The following IMMP2L variants were observed in gnomAD, a reference collection of about 807,000 sequenced individuals.
The protein encoded by IMMP2L is mitochondrial inner membrane protease subunit 2.
Under a neutral mutation model 19.3 loss-of-function variants are expected in IMMP2L, and 18 were observed. That is an observed-to-expected ratio of 0.93 (90% CI 0.64 to 1.38). The LOEUF (loss-of-function observed/expected upper bound fraction) is 1.38. Ranked by LOEUF, IMMP2L falls within the 40% of genes most tolerant of loss-of-function variation. IMMP2L has a pLI of 0.00. For missense variants in IMMP2L, 233 were observed against 218.2 expected, an observed-to-expected ratio of 1.07 and a Z score of -0.43; for synonymous variants, 76 against 73.0, an observed-to-expected ratio of 1.04 and a Z score of -0.21.
At chr7:111,038,274 TA>T (rs562250894) in intron 3 of IMMP2L, among the ~76,000 whole-genome samples, 112 of 152,110 alleles carry the variant, frequency 7.4e-4, no homozygotes, top group African/African-American at 2.6e-3. Context: ...TTGGGGGTGG[TA>T]AAAATGAAAG....
chr7:110,951,047 CA>C (rs1817784793), intron 4 of IMMP2L, among the ~76,000 whole-genome samples: 1 of 151,276 alleles, frequency 6.6e-6, no homozygotes. Context: ...TGCATGATCC[CA>C]CTTACATGAA....
At position 111,539,210 on chromosome 7, in the gene IMMP2L, GAAAGAAAGAAAGAAAGAAAGAA is replaced by G. The variant is rs1563330942; in HGVS notation, c.-2-17783_-2-17762del. Among the ~76,000 whole-genome samples, 68 of 67,958 alleles carry G rather than the reference GAAAGAAAGAAAGAAAGAAAGAA, an allele frequency of 1.0e-3. 1 individual carries two copies. The highest frequency in any genetic ancestry group is 3.9e-3 in the African/African-American group (64 of 16,206). The allele number at this position is 67,958 out of a possible 152,430, so 44.6% of individuals were successfully genotyped here. On this transcript the variant is annotated intron_variant, in intron 1 of 5. Transcript: ENST00000405709. ...AAGGAAGGAGGGAGAAAGAAAGAAA[GAAAGAAAGAAAGAAAGAAAGAA>G]AGAAAGAAAGAAAGAAAGAAAGAAA...
At chr7:111,259,032 TACA>T (rs1817026827) in intron 3 of IMMP2L, among the ~76,000 whole-genome samples, 1 of 152,160 alleles carries the variant, frequency 6.6e-6, no homozygotes, top group Non-Finnish European at 1.5e-5. Context: ...TACAAACCTG[TACA>T]ACATGTGACT....
rs538053685 is a variant in IMMP2L at position 110,918,697 on chromosome 7, G to A, written c.306-32002C>T. On this transcript the variant is annotated intron_variant, in intron 4 of 5. Coordinates refer to ENST00000405709, the MANE Select transcript of IMMP2L (RefSeq NM_032549.4). ...TCTTGAACTCCTGACCTCATGATCT[G>A]CCCACCTCGCCCTCTCAAAGTGCTG... Among the ~76,000 whole-genome samples the A allele has an allele frequency of 8.9e-3, 1,350 of 151,840 alleles. 14 individuals are homozygous for A. Among genetic ancestry groups the A allele is most frequent in the Admixed American group, 0.018 (276 of 15,234 alleles).
rs928634127 is a variant in IMMP2L at position 111,073,475 on chromosome 7, C to G, written c.240-109910G>C. Among the ~76,000 whole-genome samples, 3 of 151,956 alleles carry G rather than the reference C, an allele frequency of 2.0e-5. No individual in the cohort carries two copies. In the East Asian group the frequency reaches 5.8e-4, roughly 29 times the overall value. Reference sequence around the variant, plus strand: ...GTAGTATCCCTGAGATAGTTTTTTTCATTCAAGCCTGCATGCTTGTACAGA... The same window carrying G: ...GTAGTATCCCTGAGATAGTTTTTTTGATTCAAGCCTGCATGCTTGTACAGA... On this transcript the variant is annotated intron_variant, in intron 3 of 5. Coordinates refer to ENST00000405709, the MANE Select transcript of IMMP2L (RefSeq NM_032549.4).
Position 110,713,520 on chromosome 7 carries a change from T to C in IMMP2L, c.409-49799A>G, listed in dbSNP as rs113234341. ...TTTGGGCAGTACGGTATTTTCAGGA[T>C]ATTAATTCTTCCAATCAATGAGCAT... On this transcript the variant is annotated intron_variant, in intron 5 of 5. Transcript: ENST00000405709. Among the ~76,000 whole-genome samples, 331 of 152,332 alleles carry C rather than the reference T, an allele frequency of 2.2e-3. 3 individuals carry two copies. The highest frequency in any genetic ancestry group is 7.5e-3 in the African/African-American group (312 of 41,576).
intron 3 of IMMP2L, among the ~76,000 whole-genome samples, chr7:111,217,097 GTCTCTCTCTCTCTC>G (rs34795971): frequency 7.9e-6 from 1 of 126,812 alleles, no homozygotes; most frequent in Non-Finnish European, 1.6e-5. Context: ...CTCTCCCTCC[GTCTCTCTCTCTCTC>G]TCTCTCTCTC....
chr7:111,280,813 T>C (rs925655597), intron 3 of IMMP2L, among the ~76,000 whole-genome samples: 1 of 152,072 alleles, frequency 6.6e-6, no homozygotes, highest in African/African-American at 2.4e-5. Flanking sequence ...CTCAGGCCTG[T>C]AATCCCAGGA....
intron 5 of IMMP2L, among the ~76,000 whole-genome samples, chr7:110,838,163 C>T (rs1804693311): frequency 6.6e-6 from 1 of 150,414 alleles, no homozygotes. Flanking sequence ...GTTATCTGGG[C>T]CTTTGATCCT....
intron 2 of IMMP2L, among the ~76,000 whole-genome samples, chr7:111,491,983 G>GT (rs200523768): frequency 0.022 from 3,374 of 150,654 alleles, 132 homozygotes; most frequent in African/African-American, 0.078. Flanking sequence ...TTTTACTGGT[G>GT]TTTTTTTTGA....
chr7:110,836,720 C>T (rs1309131253), intron 5 of IMMP2L, among the ~76,000 whole-genome samples: 3 of 152,154 alleles, frequency 2.0e-5, no homozygotes, highest in African/African-American at 7.2e-5. Flanking sequence ...CCCTTAGAAA[C>T]CTCTGTGGCC....
chr7:111,172,799 T>C (rs981619821), intron 3 of IMMP2L, among the ~76,000 whole-genome samples: 2 of 151,592 alleles, frequency 1.3e-5, no homozygotes, highest in African/African-American at 2.4e-5. Flanking sequence ...TGCAAGCTCA[T>C]GTGGAGTTTT....
chr7:111,074,706 T>A (rs1277831205), intron 3 of IMMP2L, among the ~76,000 whole-genome samples: 9 of 152,208 alleles, frequency 5.9e-5, no homozygotes, highest in Non-Finnish European at 4.4e-5. Flanking sequence ...AGAGTCTCAA[T>A]TTTTCTTCAA....
At chr7:111,117,907 AAAG>A (rs1375182426) in intron 3 of IMMP2L, among the ~76,000 whole-genome samples, 3 of 152,124 alleles carry the variant, frequency 2.0e-5, no homozygotes, top group Admixed American at 6.5e-5. Flanking sequence ...AATAAAGTGC[AAAG>A]AAGAAGGCAC....
At chr7:110,946,602 TTAAA>T (rs2129553598) in intron 4 of IMMP2L, among the ~76,000 whole-genome samples, 2 of 152,224 alleles carry the variant, frequency 1.3e-5, no homozygotes, top group South Asian at 4.2e-4. Flanking sequence ...CTTTGTTTCT[TTAAA>T]TAATCTATGA....
At chr7:110,832,038 C>A (rs1021504607) in intron 5 of IMMP2L, among the ~76,000 whole-genome samples, 1 of 152,122 alleles carries the variant, frequency 6.6e-6, no homozygotes, top group Admixed American at 6.6e-5. Flanking sequence ...TTGAGGTGTG[C>A]GGATCACGAG....
At position 111,478,950 on chromosome 7, in the gene IMMP2L, C is replaced by A. The variant is rs1179721465; in HGVS notation, c.239+8288G>T. ...GACAGACAGTTGAAGTAAAGGCAGA[C>A]CACCTTAAAATCAAGATTGGGTTTA... On this transcript the variant is annotated intron_variant, in intron 3 of 5. Coordinates refer to ENST00000405709, the MANE Select transcript of IMMP2L (RefSeq NM_032549.4). Among the ~76,000 whole-genome samples the A allele has an allele frequency of 3.9e-5, 6 of 152,164 alleles. No homozygotes were observed. The East Asian group carries it at 1.2e-3, about 29-fold the overall frequency.
chr7:111,359,293 G>C (rs1417600787), intron 3 of IMMP2L, among the ~76,000 whole-genome samples: 1 of 151,690 alleles, frequency 6.6e-6, no homozygotes, highest in Non-Finnish European at 1.5e-5. Flanking sequence ...TAATTCTCCA[G>C]GTTTTTGTTT....
chr7:111,113,345 T>A (rs4730477), intron 3 of IMMP2L, among the ~76,000 whole-genome samples: 105,443 of 152,038 alleles, frequency 0.69, 40,155 homozygotes, highest in East Asian at 0.9. Flanking sequence ...CCTCCTGAGA[T>A]TGATAAAAGC....
Sources: allele counts gnomAD v4.1 joint callset (sites outside exome capture counted in the v4.1 genomes callset), GRCh38; gene constraint gnomAD v4.1.1; transcripts MANE v1.5; gene names NCBI Gene and HGNC (gene_info 2026-07-23, HGNC 2026-07-21).